The following SSBP2 variants were observed in gnomAD, a reference collection of about 807,000 sequenced individuals.
SSBP2 encodes the protein single-stranded DNA-binding protein 2.
Under a neutral mutation model 61.8 loss-of-function variants are expected in SSBP2, and 17 were observed. The observed-to-expected ratio is 0.28, with a 90% CI of 0.19 to 0.41. The LOEUF is 0.41. Among genes scored for constraint, SSBP2 ranks in the 10% least tolerant of loss-of-function variants. The pLI, the probability that SSBP2 is intolerant of heterozygous loss-of-function variation, is 1.00. For synonymous variants in SSBP2, 139 were observed against 141.3 expected, an observed-to-expected ratio of 0.98 and a Z score of 0.12; for missense variants, 310 against 458.7, an observed-to-expected ratio of 0.68 and a Z score of 2.96.
chr5:81,433,820 C>A (rs1452649251), intron 15 of SSBP2, among the ~76,000 whole-genome samples: 1 of 152,158 alleles, frequency 6.6e-6, no homozygotes, highest in African/African-American at 2.4e-5. Flanking sequence ...CTCAACTGAG[C>A]AAGAAATAAT....
intron 4 of SSBP2, among the ~76,000 whole-genome samples, chr5:81,518,756 T>C (rs1188018859): frequency 1.3e-5 from 2 of 152,138 alleles, no homozygotes; most frequent in Non-Finnish European, 2.9e-5. Context: ...GGACATATTA[T>C]TTATCATACT....
intron 1 of SSBP2, among the ~76,000 whole-genome samples, chr5:81,739,855 T>C (rs1454605677): frequency 1.3e-5 from 2 of 152,192 alleles, no homozygotes; most frequent in Non-Finnish European, 2.9e-5. Context: ...TATGATTCCA[T>C]ACAATTAACC....
intron 5 of SSBP2, among the ~76,000 whole-genome samples, chr5:81,493,843 C>T (rs1045459679): frequency 6.6e-6 from 1 of 152,110 alleles, no homozygotes; most frequent in Non-Finnish European, 1.5e-5. Context: ...AGTGATTATC[C>T]TGCCTTGACT....
chr5:81,655,670 A>T (rs1750147662), intron 1 of SSBP2, among the ~76,000 whole-genome samples: 1 of 152,218 alleles, frequency 6.6e-6, no homozygotes, highest in Non-Finnish European at 1.5e-5. Context: ...AGAGATTAAG[A>T]TGGGAAGAAC....
At chr5:81,687,729 A>G (rs1361540119) in intron 1 of SSBP2, among the ~76,000 whole-genome samples, 1 of 152,154 alleles carries the variant, frequency 6.6e-6, no homozygotes, top group Non-Finnish European at 1.5e-5. Context: ...CTCCCAGAAG[A>G]CATTTCTAGA....
chr5:81,515,025 G>A (rs562877001), intron 4 of SSBP2, among the ~76,000 whole-genome samples: 16 of 151,922 alleles, frequency 1.1e-4, no homozygotes, highest in South Asian at 2.1e-4. Context: ...TTCAATTAGC[G>A]CACATTAATG....
At chr5:81,458,181 C>T (rs867142768) in intron 10 of SSBP2, among the ~76,000 whole-genome samples, 10 of 152,166 alleles carry the variant, frequency 6.6e-5, no homozygotes, top group Admixed American at 1.3e-4. Flanking sequence ...CAAAGAGACA[C>T]GAAGTGAATG....
intron 2 of SSBP2, among the ~76,000 whole-genome samples, chr5:81,637,097 T>C (rs1017669567): frequency 3.9e-5 from 6 of 152,202 alleles, no homozygotes; most frequent in Non-Finnish European, 8.8e-5. Context: ...GCTGTGACAA[T>C]AGCTGGTTCC....
At chr5:81,703,309 GAC>G (rs1210698439) in intron 1 of SSBP2, among the ~76,000 whole-genome samples, 4 of 152,016 alleles carry the variant, frequency 2.6e-5, no homozygotes, top group African/African-American at 7.3e-5. Context: ...GGTATTACAG[GAC>G]ACACAGACAG....
At chr5:81,516,685 T>C (rs1196456806) in intron 4 of SSBP2, among the ~76,000 whole-genome samples, 1 of 152,074 alleles carries the variant, frequency 6.6e-6, no homozygotes, top group Non-Finnish European at 1.5e-5. Context: ...AGAGGTACAC[T>C]AAATGGTGCT....
intron 10 of SSBP2, among the ~76,000 whole-genome samples, chr5:81,460,079 C>G (rs1002435475): frequency 1.1e-4 from 17 of 152,294 alleles, no homozygotes; most frequent in African/African-American, 3.6e-4. Context: ...AAAGTGATTC[C>G]TGCTTCAAAA....
chr5:81,622,411 G>A (rs1039135554), intron 3 of SSBP2, among the ~76,000 whole-genome samples: 1 of 152,298 alleles, frequency 6.6e-6, no homozygotes, highest in East Asian at 1.9e-4. Context: ...ATTAAGACAA[G>A]TAGTTAAGAG....
chr5:81,581,843 T>C (rs1298055614), intron 4 of SSBP2, among the ~76,000 whole-genome samples: 1 of 152,166 alleles, frequency 6.6e-6, no homozygotes, highest in Admixed American at 6.5e-5. Context: ...AAAAGAAATG[T>C]CTTGATTGGT....
chr5:81,623,421 T>C (rs1746821083), intron 3 of SSBP2, among the ~76,000 whole-genome samples: 1 of 148,982 alleles, frequency 6.7e-6, no homozygotes. Flanking sequence ...CTGCAAGCTC[T>C]GCCTCCCGGG....
At chr5:81,686,052 T>A (rs1318854264) in intron 1 of SSBP2, among the ~76,000 whole-genome samples, 1 of 152,188 alleles carries the variant, frequency 6.6e-6, no homozygotes, top group Non-Finnish European at 1.5e-5. Flanking sequence ...AAGGTAGGAA[T>A]CAACTTCAAC....
intron 5 of SSBP2, among the ~76,000 whole-genome samples, chr5:81,505,044 C>T (rs879648875): frequency 6.6e-5 from 10 of 152,226 alleles, no homozygotes; most frequent in African/African-American, 2.2e-4. Context: ...CTTAGAGAAA[C>T]GCTGGTCCTT....
chr5:81,507,290 T>C lies in SSBP2; in HGVS notation c.372+6338A>G, dbSNP rs541262094. On this transcript the variant is annotated intron_variant, in intron 5 of 16. Coordinates refer to ENST00000320672, the MANE Select transcript of SSBP2 (RefSeq NM_012446.5). ...GATTTTAAAGTATGAATGATCACCT[T>C]GGTCTGAAACTAAATTACTTGGTAT... is the stretch of plus-strand genomic sequence containing the variant. Among the ~76,000 whole-genome samples the C allele has an allele frequency of 2.6e-5, 4 of 152,314 alleles. No homozygotes were observed. The East Asian group carries it at 7.7e-4, about 29-fold the overall frequency.
chr5:81,578,598 G>A (rs932826033), intron 4 of SSBP2, among the ~76,000 whole-genome samples: 2 of 151,250 alleles, frequency 1.3e-5, no homozygotes. Flanking sequence ...TGCAGAAAAG[G>A]AAAAAAGAAG....
chr5:81,493,794 C>T (rs116687874), intron 5 of SSBP2, among the ~76,000 whole-genome samples: 2,238 of 151,924 alleles, frequency 0.015, 58 homozygotes, highest in African/African-American at 0.051. Flanking sequence ...GATGGGTGCT[C>T]GCTCTGCTGC....
Sources: gnomAD v4.1 joint callset for allele counts (sites outside exome capture counted in the v4.1 genomes callset) on GRCh38, gnomAD v4.1.1 for gene constraint, MANE v1.5 for transcripts, NCBI Gene and HGNC (gene_info 2026-07-23, HGNC 2026-07-21) for gene names.